Variants in PTH1R observed in about 807,000 individuals in gnomAD.
PTH1R encodes the protein parathyroid hormone 1 receptor, also known as parathyroid hormone/parathyroid hormone-related peptide receptor.
In PTH1R, 32 loss-of-function variants were observed where a neutral mutation model predicts 70.7. The observed-to-expected ratio is 0.45, with a 90% CI of 0.34 to 0.61. The LOEUF is 0.61. Among genes scored for constraint, PTH1R ranks in the 20% least tolerant of loss-of-function variants. The pLI is 0.01. For synonymous variants in PTH1R, 329 were observed against 324.8 expected (o/e 1.01, Z -0.14); for missense variants, 626 against 792.5 (o/e 0.79, Z 2.52).
At chr3:46,898,221 C>T in intron 7 of PTH1R, 29 bp downstream of exon 7, 1 of 1,609,752 alleles carries the variant, frequency 6.2e-7, no homozygotes, top group Non-Finnish European at 8.5e-7. Context: ...CCCAACCTGA[C>T]CAGGATAAAT....
rs945521831 is a variant in PTH1R, at chr3:46,879,750, A to G, written c.-105-1312A>G. 1.8e-4 allele frequency among the ~76,000 whole-genome samples: 27 copies of G among 149,132 alleles called. No individual in the cohort carries two copies. Among genetic ancestry groups the G allele is most frequent in the Non-Finnish European group, 3.3e-4 (22 of 66,938 alleles). On this transcript the variant is annotated intron_variant, in intron 1 of 15. Transcript: ENST00000449590. This position sits in a 1 kb window ranked among gnomAD's most constrained non-coding sequence, Gnocchi z 4.7. ...TGACACAGCAAGACCCTGTCTGGGG[A>G]AAAAAAAAATGCTGCGTGTGGTGGC...
At chr3:46,878,599 A>T (rs1045681981) in intron 1 of PTH1R, among the ~76,000 whole-genome samples, 10 of 152,178 alleles carry the variant, frequency 6.6e-5, no homozygotes, top group African/African-American at 1.7e-4. Context: ...GTCCCAGAGA[A>T]CCCCTGGTCT....
In PTH1R at chr3:46,883,106, G is replaced by T. The variant is rs2030733532; in HGVS notation, c.-48-406G>T. 6.6e-6 allele frequency among the ~76,000 whole-genome samples: 1 copy of T among 150,778 alleles called. No individual in the cohort carries two copies. Among genetic ancestry groups the T allele is most frequent in the Non-Finnish European group, 1.5e-5 (1 of 67,576 alleles). Reference sequence around the variant, plus strand: ...CTCCCCCGCCCCCTCCCCCCACTGGGCGTGGGGCGAAGCCACAGCTCCCAT... The same window carrying T: ...CTCCCCCGCCCCCTCCCCCCACTGGTCGTGGGGCGAAGCCACAGCTCCCAT... On this transcript the variant is annotated intron_variant, in intron 2 of 15. Coordinates refer to ENST00000449590, the MANE Select transcript of PTH1R (RefSeq NM_000316.3). This position sits in a 1 kb window ranked among gnomAD's most constrained non-coding sequence, Gnocchi z 6.4.
intron 7 of PTH1R, 24 bp downstream of exon 7, chr3:46,898,216 C>T (rs754172540): frequency 1.9e-6 from 3 of 1,611,216 alleles, no homozygotes; most frequent in South Asian, 2.2e-5. Context: ...TCCTCCCCAA[C>T]CTGACCAGGA....
chr3:46,901,660 C>G lies in PTH1R; in HGVS notation c.1117-106C>G, dbSNP rs2032128998. 1 of 1,407,632 alleles carries G rather than the reference C, an allele frequency of 7.1e-7. No homozygotes were observed. The allele number at this position is 1,407,632 out of a possible 1,614,324, so 87.2% of individuals were successfully genotyped here. On this transcript the variant is annotated intron_variant, in intron 12 of 15. Transcript: ENST00000449590. This position sits in a 1 kb window ranked among gnomAD's most constrained non-coding sequence, Gnocchi z 7.3. ...AAAGGAAAACCAAGGGCTCAAGGAGCCACCCAGAGATGCAGTGACAGAGCA... is the reference window on the plus strand; with the variant it reads ...AAAGGAAAACCAAGGGCTCAAGGAGGCACCCAGAGATGCAGTGACAGAGCA...
chr3:46,897,731 C>CA (rs1159697948), intron 5 of PTH1R, 124 bp from the exon 6 acceptor site: 43 of 956,006 alleles, frequency 4.5e-5, no homozygotes, highest in Non-Finnish European at 6.2e-5. Context: ...AACTCCGTCT[C>CA]AAAAAAACAA....
rs1167496220 is a variant in PTH1R, at chr3:46,883,254, C to G, written c.-48-258C>G. 2.7e-5 allele frequency: 7 copies of G among 256,564 alleles called. No homozygotes were observed. The highest frequency in any genetic ancestry group is 5.1e-5 in the Non-Finnish European group (7 of 136,380). The allele number at this position is 256,564 out of a possible 1,614,324, so 15.9% of individuals were successfully genotyped here. ...CCATATGGATGTGATTTCTTCGCTC[C>G]GAGGCAGACGGGCCGCTCCGCAGCG... On this transcript the variant is annotated intron_variant, in intron 2 of 15. Transcript: ENST00000449590. This position sits in a 1 kb window ranked among gnomAD's most constrained non-coding sequence, Gnocchi z 6.4.
In PTH1R at chr3:46,882,927, T is replaced by C. The variant is rs2030711613; in HGVS notation, c.-48-585T>C. Among the ~76,000 whole-genome samples, 1 of 151,270 alleles carries C rather than the reference T, an allele frequency of 6.6e-6. No homozygotes were observed. The highest frequency in any genetic ancestry group is 2.1e-4 in the South Asian group (1 of 4,808). The stretch of plus-strand genomic sequence containing the variant: ...GCTGGCGGCCGGAACACCTAAGGGC[T>C]CAGTGTGGCTGCAAAGTTGAGATCG... On this transcript the variant is annotated intron_variant, in intron 2 of 15. Coordinates refer to ENST00000449590, the MANE Select transcript of PTH1R (RefSeq NM_000316.3). This position sits in a 1 kb window ranked among gnomAD's most constrained non-coding sequence, Gnocchi z 4.3.
chr3:46,899,163 G>A, intron 9 of PTH1R, 140 bp from the exon 10 acceptor site: 1 of 1,114,046 alleles, frequency 9.0e-7, no homozygotes. Context: ...CCCTGAGAGA[G>A]CCCCCCAAAC....
chr3:46,882,478 G>A lies in PTH1R; in HGVS notation c.-48-1034G>A, dbSNP rs1324079738. 1 of 151,604 alleles carries A rather than the reference G, an allele frequency of 6.6e-6. No homozygotes were observed. Among genetic ancestry groups the A allele is most frequent in the Non-Finnish European group, 1.5e-5 (1 of 67,818 alleles). 9.4% of individuals were successfully genotyped at this position (151,604 alleles called of 1,614,324 possible). A position where few individuals can be genotyped will look rare whatever the true frequency, so the allele number is the denominator to read the frequency against. On this transcript the variant is annotated intron_variant, in intron 2 of 15. Coordinates refer to ENST00000449590, the MANE Select transcript of PTH1R (RefSeq NM_000316.3). The surrounding 1 kb of genome is among the most constrained non-coding windows in gnomAD (Gnocchi z 4.3). ...GGCGCGCTCGGAGTAAGTCGGGGCT[G>A]GGGACCCGCGCCGAGGGGAAGTGGC...
chr3:46,888,897 C>T (rs2031209256), intron 3 of PTH1R, among the ~76,000 whole-genome samples: 1 of 152,236 alleles, frequency 6.6e-6, no homozygotes, highest in Admixed American at 6.5e-5. Context: ...CACAGTGCCT[C>T]TTCCCCCCCA....
chr3:46,888,536 G>A (rs1292125809), intron 3 of PTH1R, among the ~76,000 whole-genome samples: 2 of 152,186 alleles, frequency 1.3e-5, no homozygotes, highest in Non-Finnish European at 2.9e-5. Context: ...AGAAAAGGTG[G>A]GGCGAGGGTT....
chr3:46,894,530 G>C (rs2031623767), intron 4 of PTH1R, among the ~76,000 whole-genome samples: 1 of 152,152 alleles, frequency 6.6e-6, no homozygotes, highest in African/African-American at 2.4e-5. Flanking sequence ...TGGGGGGTCA[G>C]ATGGGCCCCC....
chr3:46,901,777 C>T lies in PTH1R; in HGVS notation c.1128C>T (p.Ile376=). ...CCTCACTCCCACAGCTCAACTTCAT[C>T]CTCTTCATCAATATCGTCCGGGTGC... ...PILASIVLNF[I]LFINIVRVLA... The change falls in exon 13 of 16, where the codon ATC becomes ATT. Residue 376 remains isoleucine, a synonymous_variant. Transcript: ENST00000449590. This position sits in a 1 kb window ranked among gnomAD's most constrained non-coding sequence, Gnocchi z 7.3. The T allele has an allele frequency of 6.2e-7, 1 of 1,614,084 alleles. No individual in the cohort carries two copies. The highest frequency in any genetic ancestry group is 8.5e-7 in the Non-Finnish European group (1 of 1,179,928).
rs1378148731 is a variant in PTH1R, at chr3:46,882,914, A to G, written c.-48-598A>G. On this transcript the variant is annotated intron_variant, in intron 2 of 15. Transcript: ENST00000449590. This position sits in a 1 kb window ranked among gnomAD's most constrained non-coding sequence, Gnocchi z 4.3. Reference sequence around the variant, plus strand: ...CGAACGGCCGGGGGCTGGCGGCCGGAACACCTAAGGGCTCAGTGTGGCTGC... The same window carrying G: ...CGAACGGCCGGGGGCTGGCGGCCGGGACACCTAAGGGCTCAGTGTGGCTGC... 6.6e-6 allele frequency among the ~76,000 whole-genome samples: 1 copy of G among 151,108 alleles called. No individual in the cohort carries two copies. Among genetic ancestry groups the G allele is most frequent in the Non-Finnish European group, 1.5e-5 (1 of 67,746 alleles).
rs1027375105 is a variant in PTH1R at position 46,902,017 on chromosome 3, C to G, written c.1211+157C>G. ...GGCTGTCCTCACCCACCTGGCCTGC[C>G]CAGCAGTGATGGGAGGCCCTAGGGC... On this transcript the variant is annotated intron_variant, in intron 13 of 15. Coordinates refer to ENST00000449590, the MANE Select transcript of PTH1R (RefSeq NM_000316.3). This position sits in a 1 kb window ranked among gnomAD's most constrained non-coding sequence, Gnocchi z 5.4. Among the ~76,000 whole-genome samples the G allele has an allele frequency of 6.6e-6, 1 of 152,182 alleles. No homozygotes were observed. The highest frequency in any genetic ancestry group is 2.4e-5 in the African/African-American group (1 of 41,452).
At chr3:46,899,907 C>T (rs977281240) in intron 10 of PTH1R, among the ~76,000 whole-genome samples, 20 of 152,330 alleles carry the variant, frequency 1.3e-4, no homozygotes, top group African/African-American at 4.6e-4. Flanking sequence ...AGCAGGCCTG[C>T]GGGGTCCATG....
intron 10 of PTH1R, 74 bp downstream of exon 10, chr3:46,899,530 G>A: frequency 6.4e-7 from 1 of 1,552,296 alleles, no homozygotes; most frequent in African/African-American, 1.3e-5. Context: ...GCAGCCCCTG[G>A]GGGGAGGCGC....
In PTH1R at chr3:46,903,259, A is replaced by G; in HGVS notation, c.1396-11A>G. 1 of 1,612,264 alleles carries G rather than the reference A, an allele frequency of 6.2e-7. No individual in the cohort carries two copies. The highest frequency in any genetic ancestry group is 8.5e-7 in the Non-Finnish European group (1 of 1,179,908). Reference sequence around the variant, plus strand: ...AGACACACCTGACTGCCGCACCCTTACTGCCCCAAGGTACAAGCTGAGATC... The same window carrying G: ...AGACACACCTGACTGCCGCACCCTTGCTGCCCCAAGGTACAAGCTGAGATC... On this transcript the variant is annotated splice_polypyrimidine_tract_variant and intron_variant, in intron 15 of 15. Coordinates refer to ENST00000449590, the MANE Select transcript of PTH1R (RefSeq NM_000316.3). This position sits in a 1 kb window ranked among gnomAD's most constrained non-coding sequence, Gnocchi z 4.4.
Sources: gnomAD v4.1 joint callset for allele counts (sites outside exome capture counted in the v4.1 genomes callset) on GRCh38, gnomAD v4.1.1 for gene constraint, Gnocchi (gnomAD v3.1) non-coding constraint, MANE v1.5 for transcripts, NCBI Gene and HGNC (gene_info 2026-07-23, HGNC 2026-07-21) for gene names.